FAM76A: variants seen among roughly 807,000 people sequenced by gnomAD.
The protein encoded by FAM76A is protein FAM76A.
A neutral mutation model predicts 46.2 loss-of-function variants in FAM76A; 32 were observed. That is an observed-to-expected ratio of 0.69 (90% confidence interval 0.52 to 0.93). The LOEUF is 0.93. Ranked by LOEUF, FAM76A falls within the 40% of genes least tolerant of loss-of-function variation. The pLI is 0.00. For synonymous variants in FAM76A, 137 were observed against 127.0 expected, an observed-to-expected ratio of 1.08 and a Z score of -0.53; for missense variants, 274 against 361.5, an observed-to-expected ratio of 0.76 and a Z score of 1.96.
At chr1:27,740,621 G>T (rs1402821871) in intron 4 of FAM76A, 2 of 672,832 alleles carry the variant, frequency 3.0e-6, no homozygotes, top group Non-Finnish European at 5.1e-6. Context: ...ACATTCTCTT[G>T]ATCAGTGAGA....
rs548652355 is a variant in FAM76A, at chr1:27,756,795, C to G, written c.735+1465C>G. ...CATTTTTAGGCTGGGCACACTGGCT[C>G]ACACCTGTAATCCCAACACTTTGGG... On this transcript the variant is annotated intron_variant, in intron 7 of 8. Transcript: ENST00000373954. 3.0e-4 allele frequency among the ~76,000 whole-genome samples: 45 copies of G among 152,004 alleles called. 1 individual carries two copies. Among genetic ancestry groups the G allele is most frequent in the Admixed American group, 2.6e-3 (39 of 15,268 alleles).
At chr1:27,734,375 G>A (rs530061645) in intron 4 of FAM76A, among the ~76,000 whole-genome samples, 192 bp downstream of exon 4, 11 of 151,890 alleles carry the variant, frequency 7.2e-5, no homozygotes, top group African/African-American at 2.4e-4. Context: ...GTGAAACCGC[G>A]TCTCTACTAA....
At chr1:27,730,796 C>T (rs1475056475) in intron 2 of FAM76A, among the ~76,000 whole-genome samples, 1 of 152,098 alleles carries the variant, frequency 6.6e-6, no homozygotes, top group Admixed American at 6.6e-5. Flanking sequence ...GGAAAATGAT[C>T]ACAAAGCAGA....
chr1:27,730,091 G>A (rs2087928909), intron 2 of FAM76A: 1 of 152,774 alleles, frequency 6.5e-6, no homozygotes, highest in African/African-American at 2.4e-5. Flanking sequence ...TATGTGGGGT[G>A]AGATAGGAAC....
rs1331502914 is a variant in FAM76A at position 27,725,976 on chromosome 1, C to T, written c.-105C>T. On this transcript the variant is annotated 5_prime_UTR_variant, in exon 1 of 9. Transcript: ENST00000373954. ...GCCCCGACCCGCCTGCGCCCGCCCG[C>T]CTGCCGCAGCCAGCAGCCTGCAGCC... The T allele has an allele frequency of 1.2e-5, 11 of 918,652 alleles. No individual in the cohort carries two copies. Among genetic ancestry groups the T allele is most frequent in the African/African-American group, 1.7e-5 (1 of 57,700 alleles). The allele number at this position is 918,652 out of a possible 1,614,324, so 56.9% of individuals were successfully genotyped here. A position where few individuals can be genotyped will look rare whatever the true frequency, so the allele number is the denominator to read the frequency against.
intron 4 of FAM76A, among the ~76,000 whole-genome samples, chr1:27,737,234 C>T (rs752004966): frequency 3.3e-5 from 5 of 152,148 alleles, no homozygotes; most frequent in Non-Finnish European, 5.9e-5. Context: ...CAAGCATGAG[C>T]CACCGTGCCC....
chr1:27,735,860 G>T (rs1346231297), intron 4 of FAM76A, among the ~76,000 whole-genome samples: 1 of 152,068 alleles, frequency 6.6e-6, no homozygotes, highest in Non-Finnish European at 1.5e-5. Context: ...TGAGTAAATG[G>T]CTCCTGTATT....
At chr1:27,744,110 G>A (rs534752533) in intron 4 of FAM76A, among the ~76,000 whole-genome samples, 1 of 151,994 alleles carries the variant, frequency 6.6e-6, no homozygotes, top group Non-Finnish European at 1.5e-5. Flanking sequence ...ATTAGCAGCT[G>A]AAATTTATTT....
chr1:27,759,766 G>GTTTTTTTTTTTGTTTTTTTTTTTT, intron 8 of FAM76A, 139 bp downstream of exon 8: 2 of 484,704 alleles, frequency 4.1e-6, no homozygotes, highest in Non-Finnish European at 3.4e-6. Context: ...CCCCTTTTAG[G>GTTTTTTTTTTTGTTTTTTTTTTTT]TTTTTTTTTT....
At chr1:27,744,589 A>G (rs2088209456) in intron 4 of FAM76A, 65 bp from the exon 5 acceptor site, 2 of 1,566,498 alleles carry the variant, frequency 1.3e-6, no homozygotes, top group Non-Finnish European at 1.7e-6. Flanking sequence ...TCTAGCTCCC[A>G]ATACCACGTT....
chr1:27,730,673 TA>T (rs1247667147), intron 2 of FAM76A, among the ~76,000 whole-genome samples: 5 of 152,334 alleles, frequency 3.3e-5, no homozygotes, highest in African/African-American at 7.2e-5. Context: ...TACTGTCTTT[TA>T]AAAGTAACAG....
intron 4 of FAM76A, chr1:27,739,086 T>C: frequency 3.3e-6 from 1 of 303,440 alleles, no homozygotes; most frequent in Non-Finnish European, 6.4e-6. Context: ...GATAGCCCAC[T>C]ACACTACAAG....
At chr1:27,737,882 A>AC (rs2088080400) in intron 4 of FAM76A, among the ~76,000 whole-genome samples, 1 of 149,182 alleles carries the variant, frequency 6.7e-6, no homozygotes. Context: ...AAAAAAAAAA[A>AC]AAAAAAAAAA....
In FAM76A at chr1:27,727,547, G is replaced by C. The variant is rs1206350743; in HGVS notation, c.146+11G>C. The C allele has an allele frequency of 6.2e-7, 1 of 1,610,424 alleles. No homozygotes were observed. The highest frequency in any genetic ancestry group is 1.1e-5 in the South Asian group (1 of 90,984). On this transcript the variant is annotated intron_variant, in intron 2 of 8. Transcript: ENST00000373954. ...GTACCAGCAGGAGAGGTAGAGTTTT[G>C]TTGACCATGAAAGATATTAATAGGC...
At chr1:27,732,043 G>T (rs1247979113) in intron 2 of FAM76A, among the ~76,000 whole-genome samples, 2 of 151,854 alleles carry the variant, frequency 1.3e-5, no homozygotes, top group African/African-American at 4.8e-5. Flanking sequence ...GCTGGTCTCG[G>T]ACTCCTGACC....
At chr1:27,759,898 G>A in intron 8 of FAM76A, 1 of 528,232 alleles carries the variant, frequency 1.9e-6, no homozygotes, top group Non-Finnish European at 3.6e-6. Context: ...CTTCCAAGTA[G>A]CGAAGACCAC....
At chr1:27,760,379 T>TA (rs1486662327) in intron 8 of FAM76A, 116 bp from the exon 9 acceptor site, 1 of 727,176 alleles carries the variant, frequency 1.4e-6, no homozygotes, top group Non-Finnish European at 2.2e-6. Context: ...CTAGAATTGT[T>TA]CATCTCTTTC....
chr1:27,751,856 T>A (rs755526788), intron 6 of FAM76A, among the ~76,000 whole-genome samples: 2 of 151,494 alleles, frequency 1.3e-5, no homozygotes, highest in Non-Finnish European at 2.9e-5. Flanking sequence ...CAGGCTGGAG[T>A]GCAGTGGCGC....
intron 6 of FAM76A, among the ~76,000 whole-genome samples, chr1:27,751,514 CTTTTTTTT>C (rs1345500499): frequency 1.2e-5 from 1 of 82,356 alleles, no homozygotes; most frequent in East Asian, 3.9e-4. Context: ...TTTTTTTTTT[CTTTTTTTT>C]GAGACAGGGT....
Sources: gnomAD v4.1 joint callset for allele counts (sites outside exome capture counted in the v4.1 genomes callset) on GRCh38, gnomAD v4.1.1 for gene constraint, MANE v1.5 for transcripts, NCBI Gene and HGNC (gene_info 2026-07-23, HGNC 2026-07-21) for gene names.